The following ULK4 variants were observed in gnomAD, a reference collection of about 807,000 sequenced individuals.
ULK4 encodes unc-51 like kinase 4.
Under a neutral mutation model 160.6 loss-of-function variants are expected in ULK4, and 133 were observed. The ratio of observed to expected loss-of-function variants is 0.83; its 90% CI spans 0.72 to 0.96. The LOEUF is 0.96. Among genes scored for constraint, ULK4 ranks in the 40% least tolerant of loss-of-function variants. The pLI is 0.00. For synonymous variants in ULK4, 534 were observed against 539.8 expected, an observed-to-expected ratio of 0.99 and a Z score of 0.15; for missense variants, 1,580 against 1,499.5, an observed-to-expected ratio of 1.05 and a Z score of -0.89.
intron 34 of ULK4, among the ~76,000 whole-genome samples, chr3:41,417,125 A>G (rs1575533403): frequency 6.6e-6 from 1 of 152,272 alleles, no homozygotes; most frequent in South Asian, 2.1e-4. Flanking sequence ...CACGTGAGAG[A>G]CAGTGAAGAG....
chr3:41,894,221 A>G (rs1250349715), intron 16 of ULK4, among the ~76,000 whole-genome samples: 1 of 152,218 alleles, frequency 6.6e-6, no homozygotes, highest in African/African-American at 2.4e-5. Flanking sequence ...CATTTTAAAT[A>G]AAGGTGTTTA....
At chr3:41,674,329 C>G (rs1206373475) in intron 29 of ULK4, among the ~76,000 whole-genome samples, 2 of 152,080 alleles carry the variant, frequency 1.3e-5, no homozygotes, top group African/African-American at 4.8e-5. Flanking sequence ...TGATATTAAA[C>G]TTCTGAGAGG....
intron 21 of ULK4, among the ~76,000 whole-genome samples, chr3:41,780,231 C>A (rs1220284177): frequency 6.6e-6 from 1 of 151,852 alleles, no homozygotes; most frequent in African/African-American, 2.4e-5. Flanking sequence ...CAGCTTGAGC[C>A]CAGGAGGCAG....
At chr3:41,510,472 A>T (rs1050639552) in intron 32 of ULK4, among the ~76,000 whole-genome samples, 2 of 152,222 alleles carry the variant, frequency 1.3e-5, no homozygotes, top group Non-Finnish European at 2.9e-5. Flanking sequence ...TATACCCTAG[A>T]AAAAATGTAT....
At chr3:41,881,163 A>G (rs1001563735) in intron 17 of ULK4, among the ~76,000 whole-genome samples, 1 of 152,014 alleles carries the variant, frequency 6.6e-6, no homozygotes, top group Non-Finnish European at 1.5e-5. Context: ...CCCTAAAATC[A>G]TGTGCTAGGT....
Position 41,752,065 on chromosome 3 carries a change from G to A in ULK4, c.2321+2296C>T, listed in dbSNP as rs1169919428. 3.9e-5 allele frequency among the ~76,000 whole-genome samples: 6 copies of A among 152,218 alleles called. No individual in the cohort carries two copies. The East Asian group carries it at 1.2e-3, about 29-fold the overall frequency. On this transcript the variant is annotated intron_variant, in intron 22 of 36. Transcript: ENST00000301831. ...TTACTGGAGGAGTCCAAGCAGGGAAGAAACAAAAGCTGATTTGCAGTGTGT... is the reference window on the plus strand; with the variant it reads ...TTACTGGAGGAGTCCAAGCAGGGAAAAAACAAAAGCTGATTTGCAGTGTGT...
intron 21 of ULK4, among the ~76,000 whole-genome samples, chr3:41,775,212 T>C (rs1290988061): frequency 1.3e-5 from 2 of 149,270 alleles, no homozygotes; most frequent in African/African-American, 5.0e-5. Context: ...CCTAAAAGTA[T>C]AATAATAATA....
At chr3:41,925,839 GC>G (rs964710531) in intron 5 of ULK4, among the ~76,000 whole-genome samples, 6 of 152,106 alleles carry the variant, frequency 3.9e-5, no homozygotes, top group African/African-American at 1.4e-4. Context: ...AAAAAAGGCA[GC>G]AGCCCCAGTC....
intron 35 of ULK4, among the ~76,000 whole-genome samples, chr3:41,347,660 G>A (rs1199311239): frequency 6.6e-6 from 1 of 151,916 alleles, no homozygotes; most frequent in African/African-American, 2.4e-5. Flanking sequence ...TCGTGCACAC[G>A]TTTGCAAACT....
intron 34 of ULK4, among the ~76,000 whole-genome samples, chr3:41,403,050 T>G (rs1157746546): frequency 6.6e-6 from 1 of 151,914 alleles, no homozygotes; most frequent in Admixed American, 6.6e-5. Context: ...CTTGGGAGGC[T>G]GAGGCAGGAG....
At chr3:41,771,763 T>G (rs186978379) in intron 21 of ULK4, among the ~76,000 whole-genome samples, 2 of 152,120 alleles carry the variant, frequency 1.3e-5, no homozygotes, top group African/African-American at 4.8e-5. Flanking sequence ...AGAAAAAACG[T>G]AAAACATTAT....
At chr3:41,453,866 T>A (rs373523530) in intron 34 of ULK4, among the ~76,000 whole-genome samples, 1 of 151,986 alleles carries the variant, frequency 6.6e-6, no homozygotes, top group Non-Finnish European at 1.5e-5. Flanking sequence ...GATGAGTTCA[T>A]GTCCTTTGTA....
At chr3:41,308,336 C>T (rs2079987922) in intron 35 of ULK4, among the ~76,000 whole-genome samples, 1 of 151,930 alleles carries the variant, frequency 6.6e-6, no homozygotes, top group Non-Finnish European at 1.5e-5. Flanking sequence ...GTGCAGCATC[C>T]CTACAGACAA....
chr3:41,670,448 T>A (rs2035499730), intron 29 of ULK4, among the ~76,000 whole-genome samples: 1 of 152,100 alleles, frequency 6.6e-6, no homozygotes, highest in East Asian at 1.9e-4. Context: ...TCTGTGTGAT[T>A]CTCTGGTGTT....
intron 32 of ULK4, among the ~76,000 whole-genome samples, chr3:41,501,785 G>A (rs1334342112): frequency 6.6e-6 from 1 of 152,122 alleles, no homozygotes; most frequent in African/African-American, 2.4e-5. Flanking sequence ...CTGAAACTTT[G>A]TGTGTTTTAA....
At chr3:41,723,519 G>T (rs1432447465) in intron 22 of ULK4, among the ~76,000 whole-genome samples, 1 of 152,110 alleles carries the variant, frequency 6.6e-6, no homozygotes, top group African/African-American at 2.4e-5. Context: ...ACGAGCACTT[G>T]TCTGGTACTA....
chr3:41,668,375 C>T (rs1369195207), intron 29 of ULK4, among the ~76,000 whole-genome samples: 6 of 152,202 alleles, frequency 3.9e-5, no homozygotes, highest in Admixed American at 3.9e-4. Context: ...CAACAGATGG[C>T]ATATACAATA....
At chr3:41,442,676 C>T (rs536651184) in intron 34 of ULK4, among the ~76,000 whole-genome samples, 19 of 151,666 alleles carry the variant, frequency 1.3e-4, no homozygotes, top group African/African-American at 4.1e-4. Context: ...TCACTGTTAC[C>T]TTGAACTCCT....
intron 35 of ULK4, among the ~76,000 whole-genome samples, chr3:41,386,416 T>C (rs1347960138): frequency 6.6e-6 from 1 of 152,190 alleles, no homozygotes; most frequent in Non-Finnish European, 1.5e-5. Flanking sequence ...GTACTAATAA[T>C]ATCCCAGGTA....
Sources: gnomAD v4.1 joint callset for allele counts (sites outside exome capture counted in the v4.1 genomes callset) on GRCh38, gnomAD v4.1.1 for gene constraint, MANE v1.5 for transcripts, NCBI Gene and HGNC (gene_info 2026-07-23, HGNC 2026-07-21) for gene names.